Variants in PSMF1 observed in about 807,000 individuals in gnomAD.
The protein encoded by PSMF1 is proteasome inhibitor subunit 1.
PSMF1 carries 30 observed loss-of-function variants against 29.3 expected under a neutral mutation model. The observed-to-expected ratio is 1.02, with a 90% confidence interval of 0.77 to 1.39. The LOEUF is 1.39. PSMF1 is among the 40% of genes most tolerant of loss of function. The pLI is 0.00. For missense variants in PSMF1, 344 were observed against 357.5 expected (o/e 0.96, Z 0.31); for synonymous variants, 134 against 139.7 (o/e 0.96, Z 0.29).
intron 4 of PSMF1, among the ~76,000 whole-genome samples, chr20:1,158,656 C>T (rs2086625162): frequency 6.6e-6 from 1 of 152,222 alleles, no homozygotes; most frequent in Non-Finnish European, 1.5e-5. Flanking sequence ...GCTGCTTTTG[C>T]AGTAGCGACA....
intron 4 of PSMF1, among the ~76,000 whole-genome samples, chr20:1,151,837 G>C (rs1337054152): frequency 1.3e-5 from 2 of 152,162 alleles, no homozygotes; most frequent in African/African-American, 4.8e-5. Context: ...TGGTATTGAG[G>C]GTAATTGACT....
At chr20:1,122,605 C>T (rs1182012317) in intron 1 of PSMF1, among the ~76,000 whole-genome samples, 1 of 152,128 alleles carries the variant, frequency 6.6e-6, no homozygotes, top group African/African-American at 2.4e-5. Flanking sequence ...CAGCCTCAGG[C>T]CTTTGATTTT....
chr20:1,144,418 C>T (rs1210813454), intron 4 of PSMF1, among the ~76,000 whole-genome samples: 2 of 152,202 alleles, frequency 1.3e-5, no homozygotes, highest in Non-Finnish European at 2.9e-5. Flanking sequence ...AGGAATCACA[C>T]TCCTGAACAT....
chr20:1,140,643 A>T (rs148050381), intron 4 of PSMF1, among the ~76,000 whole-genome samples: 9 of 152,360 alleles, frequency 5.9e-5, no homozygotes, highest in East Asian at 5.8e-4. Flanking sequence ...GCATAAAAGG[A>T]TAGTATCAAG....
intron 4 of PSMF1, among the ~76,000 whole-genome samples, chr20:1,157,709 A>G (rs1252265893): frequency 1.3e-5 from 2 of 151,840 alleles, no homozygotes; most frequent in Non-Finnish European, 2.9e-5. Flanking sequence ...GCCTTCTACT[A>G]CTACCCATTC....
intron 3 of PSMF1, chr20:1,134,723 G>A: frequency 3.3e-6 from 1 of 301,980 alleles, no homozygotes; most frequent in Non-Finnish European, 6.5e-6. Flanking sequence ...CAGGAACCTG[G>A]TTCATCCTCC....
chr20:1,117,822 C>G (rs1332454261), upstream of PSMF1: 2 of 152,140 alleles, frequency 1.3e-5, no homozygotes, highest in Admixed American at 1.3e-4. Flanking sequence ...TGGGTAAAAA[C>G]AATAAGTGGA....
At position 1,165,757 on chromosome 20, in the gene PSMF1, A is replaced by G. The variant is rs1215759698; in HGVS notation, c.*677A>G. ...AAGACTGCATCATTCTGATGAGGCA[A>G]AATCCTCCAGCTATTCCTGTCTGGG... On this transcript the variant is annotated 3_prime_UTR_variant, in exon 7 of 7. Coordinates refer to ENST00000335877, the MANE Select transcript of PSMF1 (RefSeq NM_006814.5). The G allele has an allele frequency of 3.9e-6, 4 of 1,020,062 alleles. No homozygotes were observed. The African/African-American group carries it at 5.1e-5, about 13-fold the overall frequency. The allele number at this position is 1,020,062 out of a possible 1,614,324, so 63.2% of individuals were successfully genotyped here. A position where few individuals can be genotyped will look rare whatever the true frequency, so the allele number is the denominator to read the frequency against.
intron 1 of PSMF1, among the ~76,000 whole-genome samples, chr20:1,119,252 C>T (rs6104618): frequency 6.6e-6 from 1 of 152,298 alleles, no homozygotes; most frequent in South Asian, 2.1e-4. Flanking sequence ...TCTCACCCAC[C>T]TGATCCCGTC....
rs1847890142 is a variant in PSMF1 at position 1,164,594 on chromosome 20, G to C, written c.764+118G>C. 1 of 1,388,070 alleles carries C rather than the reference G, an allele frequency of 7.2e-7. No homozygotes were observed. Among genetic ancestry groups the C allele is most frequent in the Non-Finnish European group, 9.9e-7 (1 of 1,012,794 alleles). The allele number at this position is 1,388,070 out of a possible 1,614,324, so 86.0% of individuals were successfully genotyped here. On this transcript the variant is annotated intron_variant, in intron 6 of 6. Transcript: ENST00000335877. This position sits in a 1 kb window ranked among gnomAD's most constrained non-coding sequence, Gnocchi z 4.1. The stretch of plus-strand genomic sequence containing the variant: ...GCTGCCGCTGCCTTCACCTGTTGCT[G>C]CCAGGAGAGTGGAGCCTCCTCCAGG...
chr20:1,171,378 C>T lies in PSMF1; in HGVS notation c.*6298C>T, dbSNP rs1423114120. On this transcript the variant is annotated 3_prime_UTR_variant, in exon 7 of 7. Transcript: ENST00000335877. ...ATGGGCTCGGGCTCTCTGCTGGGCT[C>T]TGTCACCTGGCTCCATGTGCTGCTC... 1.3e-5 allele frequency among the ~76,000 whole-genome samples: 2 copies of T among 152,174 alleles called. No homozygotes were observed. The highest frequency in any genetic ancestry group is 4.8e-5 in the African/African-American group (2 of 41,454).
intron 4 of PSMF1, among the ~76,000 whole-genome samples, chr20:1,143,478 T>C (rs186707443): frequency 6.6e-6 from 1 of 152,240 alleles, no homozygotes; most frequent in East Asian, 1.9e-4. Flanking sequence ...AAAAATGACC[T>C]CAAAGTGGAT....
rs879550166 is a variant in PSMF1, at chr20:1,165,919, G to A, written c.*839G>A. ...CTAAGCAAGTTCCTTCTCCTCTTAGGGCCTTGTGCCAAGCCTATGAAATTG... is the reference window on the plus strand; with the variant it reads ...CTAAGCAAGTTCCTTCTCCTCTTAGAGCCTTGTGCCAAGCCTATGAAATTG... On this transcript the variant is annotated 3_prime_UTR_variant, in exon 7 of 7. Transcript: ENST00000335877. 1 of 1,315,110 alleles carries A rather than the reference G, an allele frequency of 7.6e-7. No homozygotes were observed. Among genetic ancestry groups the A allele is most frequent in the African/African-American group, 1.5e-5 (1 of 67,678 alleles). 81.5% of individuals were successfully genotyped at this position (1,315,110 alleles called of 1,614,324 possible).
intron 4 of PSMF1, among the ~76,000 whole-genome samples, chr20:1,148,353 T>C (rs1047750709): frequency 1.3e-5 from 2 of 152,240 alleles, no homozygotes; most frequent in Non-Finnish European, 2.9e-5. Flanking sequence ...TCATTATCAT[T>C]ATAAGTCTAA....
intron 4 of PSMF1, chr20:1,161,507 G>A: frequency 1.9e-6 from 1 of 527,614 alleles, no homozygotes; most frequent in Non-Finnish European, 3.5e-6. Context: ...TCTCCAACAG[G>A]ATGCAGAAAG....
intron 4 of PSMF1, among the ~76,000 whole-genome samples, chr20:1,158,294 T>G (rs1408901310): frequency 2.6e-5 from 4 of 152,232 alleles, no homozygotes; most frequent in Non-Finnish European, 5.9e-5. Context: ...CTGCTGTTAT[T>G]ACATTCTTCC....
chr20:1,150,700 C>T (rs544228936), intron 4 of PSMF1, among the ~76,000 whole-genome samples: 1 of 152,190 alleles, frequency 6.6e-6, no homozygotes, highest in South Asian at 2.1e-4. Flanking sequence ...TCTTCCTCCC[C>T]TCTGTAGCTT....
chr20:1,135,153 G>A lies in PSMF1; in HGVS notation c.398G>A (p.Arg133His), dbSNP rs144643969. ...AAGAACAGTGAGGAGCTTCGGTCTC[G>A]TATTGTGTCTGGAATCATCACACCT... ...TYKNSEELRS[R>H]IVSGIITPIH... The change falls in exon 4 of 7, where the codon CGT becomes CAT. Residue 133 changes from arginine to histidine, a missense_variant. Transcript: ENST00000335877. The A allele has an allele frequency of 7.7e-5, 125 of 1,614,140 alleles. No homozygotes were observed. Among genetic ancestry groups the A allele is most frequent in the East Asian group, 1.6e-4 (7 of 44,882 alleles).
chr20:1,164,868 G>T lies in PSMF1; in HGVS notation c.765-161G>T, dbSNP rs2086709314. On this transcript the variant is annotated intron_variant, in intron 6 of 6. Transcript: ENST00000335877. The surrounding 1 kb of genome is among the most constrained non-coding windows in gnomAD (Gnocchi z 4.1). Reference sequence around the variant, plus strand: ...AACTTATACCAAGCGGGGGAGTCAGGATTCAAACCCCGGTTGTCTGGCTCT... The same window carrying T: ...AACTTATACCAAGCGGGGGAGTCAGTATTCAAACCCCGGTTGTCTGGCTCT... Among the ~76,000 whole-genome samples, 1 of 152,148 alleles carries T rather than the reference G, an allele frequency of 6.6e-6. No individual in the cohort carries two copies. Among genetic ancestry groups the T allele is most frequent in the Admixed American group, 6.5e-5 (1 of 15,282 alleles).
Sources: gnomAD v4.1 joint callset for allele counts (sites outside exome capture counted in the v4.1 genomes callset) on GRCh38, gnomAD v4.1.1 for gene constraint, Gnocchi (gnomAD v3.1) non-coding constraint, MANE v1.5 for transcripts, NCBI Gene and HGNC (gene_info 2026-07-23, HGNC 2026-07-21) for gene names.